The following SLC9A9 variants were observed in gnomAD, a reference collection of about 807,000 sequenced individuals.
SLC9A9 encodes solute carrier family 9 member A9.
In SLC9A9, 62 loss-of-function variants were observed where a neutral mutation model predicts 77.8. That is an observed-to-expected ratio of 0.80 (90% CI 0.65 to 0.98). The LOEUF is 0.98. Ranked by LOEUF, SLC9A9 falls within the 50% of genes least tolerant of loss-of-function variation. The probability of loss-of-function intolerance (pLI) is 0.00; values close to 1 mark genes in which losing one functional copy is unlikely to be tolerated. For synonymous variants in SLC9A9, 320 were observed against 283.5 expected (o/e 1.13, Z -1.29); for missense variants, 775 against 774.9 (o/e 1.00, Z 0.00).
intron 6 of SLC9A9, among the ~76,000 whole-genome samples, chr3:143,609,383 T>C (rs535423445): frequency 6.6e-6 from 1 of 152,310 alleles, no homozygotes; most frequent in African/African-American, 2.4e-5. Flanking sequence ...TTCTATAGAA[T>C]AGGATAGCCT....
At chr3:143,432,882 T>G (rs1374461772) in intron 12 of SLC9A9, among the ~76,000 whole-genome samples, 3 of 152,216 alleles carry the variant, frequency 2.0e-5, no homozygotes, top group Non-Finnish European at 4.4e-5. Flanking sequence ...CACCTTGGCC[T>G]TCCAAAGTGC....
At chr3:143,283,572 C>T (rs974727355) in intron 14 of SLC9A9, among the ~76,000 whole-genome samples, 11 of 152,198 alleles carry the variant, frequency 7.2e-5, no homozygotes, top group African/African-American at 2.7e-4. Flanking sequence ...CTCCTGCAAG[C>T]CCCAACCCTG....
intron 5 of SLC9A9, among the ~76,000 whole-genome samples, chr3:143,675,993 G>C (rs1281330993): frequency 6.6e-6 from 1 of 152,134 alleles, no homozygotes; most frequent in Non-Finnish European, 1.5e-5. Flanking sequence ...TTTCTCGTGG[G>C]GGATGGGGAG....
At chr3:143,603,011 A>G (rs1468317000) in intron 6 of SLC9A9, among the ~76,000 whole-genome samples, 1 of 152,250 alleles carries the variant, frequency 6.6e-6, no homozygotes, top group Non-Finnish European at 1.5e-5. Flanking sequence ...ATTCTTGAAC[A>G]CATTCAGGTT....
chr3:143,845,294 T>C (rs183052143), intron 1 of SLC9A9, among the ~76,000 whole-genome samples: 5 of 152,318 alleles, frequency 3.3e-5, no homozygotes, highest in Admixed American at 3.3e-4. Flanking sequence ...AGTTCATTTA[T>C]AGCTGTTGGA....
chr3:143,636,772 A>G (rs1269890255), intron 6 of SLC9A9, among the ~76,000 whole-genome samples: 2 of 152,218 alleles, frequency 1.3e-5, no homozygotes, highest in East Asian at 1.9e-4. Flanking sequence ...CTACTTCCCC[A>G]TCTCTGCAGG....
At chr3:143,780,154 C>G (rs961853574) in intron 4 of SLC9A9, among the ~76,000 whole-genome samples, 3 of 152,148 alleles carry the variant, frequency 2.0e-5, no homozygotes, top group Non-Finnish European at 2.9e-5. Flanking sequence ...AGCAATTTAT[C>G]TACATATGTT....
At chr3:143,290,160 T>C (rs962338220) in intron 14 of SLC9A9, among the ~76,000 whole-genome samples, 1 of 152,126 alleles carries the variant, frequency 6.6e-6, no homozygotes, top group Non-Finnish European at 1.5e-5. Context: ...AACCATGTAA[T>C]CTATTGTCAA....
At chr3:143,801,536 C>A (rs559126309) in intron 2 of SLC9A9, among the ~76,000 whole-genome samples, 1 of 152,136 alleles carries the variant, frequency 6.6e-6, no homozygotes, top group African/African-American at 2.4e-5. Context: ...CACATTATTC[C>A]GGATACCACA....
In SLC9A9 at chr3:143,394,707, C is replaced by T. The variant is rs538506629; in HGVS notation, c.1470-12593G>A. On this transcript the variant is annotated intron_variant, in intron 12 of 15. Coordinates refer to ENST00000316549, the MANE Select transcript of SLC9A9 (RefSeq NM_173653.4). ...TGATGGTATGTCTACAAAACCCCAT[C>T]GTCTCAGCCCCAAATCTCCTTAAGC... Among the ~76,000 whole-genome samples, 13 of 152,314 alleles carry T rather than the reference C, an allele frequency of 8.5e-5. No homozygotes were observed. The South Asian group carries it at 1.2e-3, about 15-fold the overall frequency.
At chr3:143,728,343 TAAG>T (rs1934715022) in intron 4 of SLC9A9, among the ~76,000 whole-genome samples, 1 of 151,760 alleles carries the variant, frequency 6.6e-6, no homozygotes, top group African/African-American at 2.4e-5. Context: ...ATGAGAAGGA[TAAG>T]AAGGAGAAAG....
intron 6 of SLC9A9, among the ~76,000 whole-genome samples, chr3:143,621,333 AC>A (rs1478971555): frequency 2.6e-5 from 4 of 152,030 alleles, no homozygotes; most frequent in Non-Finnish European, 5.9e-5. Flanking sequence ...TGGGTCCCTG[AC>A]CCCCGAATAG....
At chr3:143,411,855 T>C (rs927997751) in intron 12 of SLC9A9, among the ~76,000 whole-genome samples, 1 of 152,136 alleles carries the variant, frequency 6.6e-6, no homozygotes, top group Non-Finnish European at 1.5e-5. Flanking sequence ...GTTGGGGTAT[T>C]CTATCAGACA....
chr3:143,817,607 G>A (rs77259695), intron 2 of SLC9A9, among the ~76,000 whole-genome samples: 5,494 of 151,918 alleles, frequency 0.036, 330 homozygotes, highest in African/African-American at 0.12. Flanking sequence ...AATCCATCTC[G>A]GATTTATTTG....
At chr3:143,802,611 A>G (rs2008594947) in intron 2 of SLC9A9, among the ~76,000 whole-genome samples, 2 of 152,122 alleles carry the variant, frequency 1.3e-5, no homozygotes, top group Non-Finnish European at 2.9e-5. Flanking sequence ...TCCCACCTCT[A>G]TACAGTCCGA....
At chr3:143,630,888 A>C (rs1198128919) in intron 6 of SLC9A9, among the ~76,000 whole-genome samples, 2 of 152,146 alleles carry the variant, frequency 1.3e-5, no homozygotes, top group African/African-American at 4.8e-5. Flanking sequence ...ATGTCAAACT[A>C]ACCTTAAATA....
chr3:143,573,126 C>T (rs1478384612), intron 8 of SLC9A9, among the ~76,000 whole-genome samples: 2 of 152,170 alleles, frequency 1.3e-5, no homozygotes, highest in African/African-American at 4.8e-5. Flanking sequence ...CTATGAAAGA[C>T]AGCTGGCCAG....
At chr3:143,674,355 C>G (rs1424850518) in intron 5 of SLC9A9, among the ~76,000 whole-genome samples, 2 of 152,128 alleles carry the variant, frequency 1.3e-5, no homozygotes, top group Admixed American at 6.5e-5. Flanking sequence ...TTTTTCTACC[C>G]TTATTACGTG....
intron 6 of SLC9A9, among the ~76,000 whole-genome samples, chr3:143,591,776 G>A (rs2037648917): frequency 6.6e-6 from 1 of 152,242 alleles, no homozygotes; most frequent in African/African-American, 2.4e-5. Flanking sequence ...GCATGCTGGA[G>A]CAGCCTTGAA....
Sources: gnomAD v4.1 joint callset for allele counts (sites outside exome capture counted in the v4.1 genomes callset) on GRCh38, gnomAD v4.1.1 for gene constraint, MANE v1.5 for transcripts, NCBI Gene and HGNC (gene_info 2026-07-23, HGNC 2026-07-21) for gene names.